The following JAZF1 variants were observed in gnomAD, a reference collection of about 807,000 sequenced individuals.
JAZF1 encodes the protein juxtaposed with another zinc finger protein 1.
In JAZF1, 8 loss-of-function variants were observed where a neutral mutation model predicts 26.4. The ratio of observed to expected loss-of-function variants is 0.30; its 90% CI spans 0.18 to 0.55. The LOEUF (loss-of-function observed/expected upper bound fraction) is 0.55. JAZF1 is among the 20% of genes least tolerant of loss of function. JAZF1 has a pLI of 0.94. For synonymous variants in JAZF1, 126 were observed against 122.3 expected, an observed-to-expected ratio of 1.03 and a Z score of -0.20; for missense variants, 199 against 322.0, an observed-to-expected ratio of 0.62 and a Z score of 2.92.
chr7:28,135,646 G>A (rs1583579159), intron 1 of JAZF1, among the ~76,000 whole-genome samples: 1 of 152,150 alleles, frequency 6.6e-6, no homozygotes, highest in East Asian at 1.9e-4. Context: ...GTTTTCAAGG[G>A]CAAAAGAAAG....
chr7:27,913,592 A>G (rs531478426), intron 2 of JAZF1: 3 of 219,092 alleles, frequency 1.4e-5, no homozygotes, highest in Non-Finnish European at 3.0e-5. Context: ...GAGTCAGAGC[A>G]CACTGGGTCA....
intron 1 of JAZF1, among the ~76,000 whole-genome samples, chr7:28,033,795 C>T (rs1001479176): frequency 3.9e-5 from 6 of 152,074 alleles, no homozygotes; most frequent in Non-Finnish European, 5.9e-5. Flanking sequence ...CAGGCTGGAA[C>T]GCAGAGACAC....
intron 1 of JAZF1, among the ~76,000 whole-genome samples, chr7:28,061,812 G>C (rs1291956817): frequency 1.3e-5 from 2 of 152,216 alleles, no homozygotes; most frequent in Admixed American, 1.3e-4. Context: ...AGTAAGACAA[G>C]TGGGTATTTC....
intron 1 of JAZF1, among the ~76,000 whole-genome samples, chr7:28,171,988 A>G (rs980178541): frequency 1.3e-5 from 2 of 152,234 alleles, no homozygotes; most frequent in African/African-American, 4.8e-5. Flanking sequence ...ATCTATTGAG[A>G]TTAAGAAATC....
intron 1 of JAZF1, among the ~76,000 whole-genome samples, chr7:28,137,653 T>C (rs1328164569): frequency 1.3e-5 from 2 of 152,180 alleles, no homozygotes; most frequent in Non-Finnish European, 2.9e-5. Flanking sequence ...CAGTGGTTTC[T>C]GAATGATGCC....
intron 1 of JAZF1, among the ~76,000 whole-genome samples, chr7:28,129,362 T>C (rs1335385869): frequency 3.3e-5 from 5 of 152,132 alleles, no homozygotes; most frequent in Admixed American, 6.6e-5. Flanking sequence ...ATCTCAAATG[T>C]AACTGCACAT....
intron 2 of JAZF1, among the ~76,000 whole-genome samples, chr7:27,966,145 A>G (rs1785271211): frequency 6.6e-6 from 1 of 152,166 alleles, no homozygotes; most frequent in Admixed American, 6.5e-5. Flanking sequence ...TAAAAAAAGC[A>G]CCCAACACAT....
intron 3 of JAZF1, among the ~76,000 whole-genome samples, chr7:27,878,394 T>C (rs192496838): frequency 6.7e-6 from 1 of 149,708 alleles, no homozygotes; most frequent in Non-Finnish European, 1.5e-5. Flanking sequence ...ACACACCCCA[T>C]TTCCCCAGGT....
rs888551266 is a variant in JAZF1 at position 28,173,537 on chromosome 7, C to G, written c.115+6926G>C. The stretch of plus-strand genomic sequence containing the variant: ...TTGTGCCTAAAATATATATTTATTT[C>G]TATATATCAATTATATCTATAATAC... On this transcript the variant is annotated intron_variant, in intron 1 of 4. Transcript: ENST00000283928. Among the ~76,000 whole-genome samples the G allele has an allele frequency of 4.0e-5, 6 of 151,870 alleles. No individual in the cohort carries two copies. The South Asian group carries it at 1.2e-3, about 31-fold the overall frequency.
chr7:27,868,498 G>C (rs1341883376), intron 3 of JAZF1, among the ~76,000 whole-genome samples: 1 of 152,220 alleles, frequency 6.6e-6, no homozygotes. Flanking sequence ...GCGTGGAGTT[G>C]CTTGCTCCAG....
chr7:28,043,023 T>A (rs530928475), intron 1 of JAZF1, among the ~76,000 whole-genome samples: 2 of 152,188 alleles, frequency 1.3e-5, no homozygotes, highest in African/African-American at 4.8e-5. Context: ...TGCTGTACTA[T>A]GATCCTGCAA....
intron 1 of JAZF1, among the ~76,000 whole-genome samples, chr7:28,180,105 T>G (rs1419994160): frequency 3.6e-5 from 4 of 111,880 alleles, no homozygotes; most frequent in African/African-American, 1.3e-4. Context: ...CGCCGCGCCC[T>G]CCGCCCCGCG....
intron 1 of JAZF1, among the ~76,000 whole-genome samples, chr7:28,131,314 A>T (rs1250614076): frequency 8.4e-6 from 1 of 118,992 alleles, no homozygotes; most frequent in African/African-American, 4.4e-5. Flanking sequence ...TCTATCACTT[A>T]AAAAAAAAAA....
chr7:27,858,002 T>C (rs988294865), intron 3 of JAZF1, among the ~76,000 whole-genome samples: 35 of 152,164 alleles, frequency 2.3e-4, no homozygotes, highest in African/African-American at 8.2e-4. Context: ...AAAACCCCAA[T>C]GTCTCGGCCC....
At chr7:28,122,889 T>A (rs1782627960) in intron 1 of JAZF1, among the ~76,000 whole-genome samples, 1 of 152,184 alleles carries the variant, frequency 6.6e-6, no homozygotes, top group African/African-American at 2.4e-5. Context: ...TTCCTTCACA[T>A]AAGTGACATT....
At chr7:27,895,066 G>T (rs182330836) in intron 3 of JAZF1, among the ~76,000 whole-genome samples, 154 bp downstream of exon 3, 102 of 152,232 alleles carry the variant, frequency 6.7e-4, no homozygotes, top group Non-Finnish European at 5.9e-4. Context: ...ATAAATTAAA[G>T]AATTTATCAA....
At chr7:27,908,808 G>C (rs1048618006) in intron 2 of JAZF1, among the ~76,000 whole-genome samples, 4 of 152,162 alleles carry the variant, frequency 2.6e-5, no homozygotes, top group Non-Finnish European at 5.9e-5. Context: ...CAGCTCATTG[G>C]AACACACATT....
At chr7:27,986,988 G>A (rs1373416088) in intron 2 of JAZF1, among the ~76,000 whole-genome samples, 10 of 152,226 alleles carry the variant, frequency 6.6e-5, no homozygotes, top group East Asian at 3.9e-4. Flanking sequence ...GTGCAGTGGC[G>A]TGATCTCGGC....
intron 3 of JAZF1, among the ~76,000 whole-genome samples, chr7:27,877,893 C>T (rs1783707113): frequency 6.6e-6 from 1 of 152,152 alleles, no homozygotes; most frequent in Non-Finnish European, 1.5e-5. Flanking sequence ...CTATGATTGT[C>T]TTGCACACTA....
Sources: gnomAD v4.1 joint callset for allele counts (sites outside exome capture counted in the v4.1 genomes callset) on GRCh38, gnomAD v4.1.1 for gene constraint, MANE v1.5 for transcripts, NCBI Gene and HGNC (gene_info 2026-07-23, HGNC 2026-07-21) for gene names.